The following NPFFR1 variants were observed in gnomAD, a reference collection of about 807,000 sequenced individuals.
The protein encoded by NPFFR1 is G-protein coupled receptor 147.
Under a neutral mutation model 12.7 loss-of-function variants are expected in NPFFR1, and 17 were observed. The ratio of observed to expected loss-of-function variants is 1.34; its 90% confidence interval spans 0.92 to 2.01. The LOEUF (loss-of-function observed/expected upper bound fraction) is 2.01. Ranked by LOEUF, NPFFR1 falls within the 30% of genes most tolerant of loss-of-function variation. The pLI is 0.00. For synonymous variants in NPFFR1, 296 were observed against 264.5 expected, an observed-to-expected ratio of 1.12 and a Z score of -1.16; for missense variants, 604 against 606.5, an observed-to-expected ratio of 1.00 and a Z score of 0.04.
At chr10:70,276,184 T>C (rs565081911) in intron 1 of NPFFR1, among the ~76,000 whole-genome samples, 2 of 152,172 alleles carry the variant, frequency 1.3e-5, no homozygotes, top group Non-Finnish European at 2.9e-5. Flanking sequence ...ATGTATCACC[T>C]AAAACCTTGC....
intron 1 of NPFFR1, among the ~76,000 whole-genome samples, chr10:70,282,125 G>A (rs377286794): frequency 5.3e-5 from 8 of 152,208 alleles, no homozygotes; most frequent in South Asian, 2.1e-4. Context: ...CCTCTGGGTC[G>A]CTGGGATGTC....
At chr10:70,260,853 C>A in intron 2 of NPFFR1, 114 bp from the exon 3 acceptor site, 1 of 862,370 alleles carries the variant, frequency 1.2e-6, no homozygotes. Flanking sequence ...CCATGACCTG[C>A]TAGGTGTTAT....
At chr10:70,280,846 A>G (rs1840853975) in intron 1 of NPFFR1, among the ~76,000 whole-genome samples, 1 of 152,180 alleles carries the variant, frequency 6.6e-6, no homozygotes, top group Non-Finnish European at 1.5e-5. Flanking sequence ...TACTAAAAAC[A>G]CAAAAATTAG....
Position 70,260,620 on chromosome 10 carries a change from C to A in NPFFR1, c.422+20G>T. ...AGGCCCTAGTTGGCTCAGGCATAAT[C>A]CAGCCAGGAAACCTCTCACCTTTCC... On this transcript the variant is annotated intron_variant, in intron 3 of 3. Transcript: ENST00000277942. 1 of 1,592,058 alleles carries A rather than the reference C, an allele frequency of 6.3e-7. No homozygotes were observed.
At position 70,283,655 on chromosome 10, in the gene NPFFR1, C is replaced by T. The variant is rs1589918387; in HGVS notation, c.7+15G>A. The T allele has an allele frequency of 6.5e-7, 1 of 1,535,150 alleles. No individual in the cohort carries two copies. Among genetic ancestry groups the T allele is most frequent in the East Asian group, 2.4e-5 (1 of 40,918 alleles). ...CCCTGCCCCACGGCTGGCCCCCAGCCCCAGGACCACTCACCCTCCATGATG... is the reference window on the plus strand; with the variant it reads ...CCCTGCCCCACGGCTGGCCCCCAGCTCCAGGACCACTCACCCTCCATGATG... On this transcript the variant is annotated intron_variant, in intron 1 of 3. Coordinates refer to ENST00000277942, the MANE Select transcript of NPFFR1 (RefSeq NM_022146.5).
At chr10:70,281,597 C>T (rs1840863095) in intron 1 of NPFFR1, among the ~76,000 whole-genome samples, 3 of 152,196 alleles carry the variant, frequency 2.0e-5, no homozygotes, top group Admixed American at 2.0e-4. Flanking sequence ...TGTATATTTC[C>T]AATAATAAAC....
chr10:70,255,711 A>G lies in NPFFR1; in HGVS notation c.539T>C (p.Leu180Pro). ...LLIMCPSAVTLTVTREEHHFM... is the reference protein window; with the variant it reads ...LLIMCPSAVTPTVTREEHHFM... ...GTGGTGCTCCTCACGGGTGACGGTC[A>G]GCGTGACGGCCGAGGGACACATGAT... Residue 180 changes from leucine (L) to proline (P), a missense_variant, in exon 4 of 4, where the codon CTG becomes CCG. Leu to Pro is a moderately conservative substitution (Grantham distance 98). Coordinates refer to ENST00000277942, the MANE Select transcript of NPFFR1 (RefSeq NM_022146.5). The surrounding 1 kb of genome is among the most constrained non-coding windows in gnomAD (Gnocchi z 4.2). 6.2e-7 allele frequency: 1 copy of G among 1,608,618 alleles called. No individual in the cohort carries two copies. The highest frequency in any genetic ancestry group is 8.5e-7 in the Non-Finnish European group (1 of 1,177,788).
chr10:70,267,873 T>C (rs1343941172), intron 1 of NPFFR1, among the ~76,000 whole-genome samples: 2 of 152,052 alleles, frequency 1.3e-5, no homozygotes, highest in Non-Finnish European at 2.9e-5. Context: ...GCGGTGAGTG[T>C]TGGGATGGGG....
rs1327349712 is a variant in NPFFR1, at chr10:70,253,954, C to T, written c.*1003G>A. ...AGTTTAGTGTGTGTCCTTCAGGAGT[C>T]TCCAAATGGCACTCCGGCTGCAGCT... is the stretch of plus-strand genomic sequence containing the variant. On this transcript the variant is annotated 3_prime_UTR_variant, in exon 4 of 4. Transcript: ENST00000277942. 6.6e-6 allele frequency: 1 copy of T among 152,200 alleles called. No homozygotes were observed. Among genetic ancestry groups the T allele is most frequent in the Non-Finnish European group, 1.5e-5 (1 of 68,044 alleles). The allele number at this position is 152,200 out of a possible 1,614,324, so 9.4% of individuals were successfully genotyped here.
At chr10:70,280,367 T>C (rs1840847680) in intron 1 of NPFFR1, among the ~76,000 whole-genome samples, 2 of 152,244 alleles carry the variant, frequency 1.3e-5, no homozygotes, top group African/African-American at 4.8e-5. Flanking sequence ...GGGTTCTCTT[T>C]TCTCCACATC....
At chr10:70,267,931 C>G (rs1211034063) in intron 1 of NPFFR1, among the ~76,000 whole-genome samples, 1 of 152,214 alleles carries the variant, frequency 6.6e-6, no homozygotes, top group South Asian at 2.1e-4. Flanking sequence ...TTCCTGTGCC[C>G]GATGAGAGAT....
intron 1 of NPFFR1, among the ~76,000 whole-genome samples, chr10:70,274,279 C>T (rs1466076571): frequency 1.3e-5 from 2 of 152,052 alleles, no homozygotes; most frequent in Admixed American, 6.6e-5. Flanking sequence ...GAAACCCTGT[C>T]TCTACTAAAA....
chr10:70,256,715 A>G (rs1840576655), intron 3 of NPFFR1, among the ~76,000 whole-genome samples: 1 of 152,250 alleles, frequency 6.6e-6, no homozygotes, highest in Admixed American at 6.5e-5. Context: ...TTTACAGACA[A>G]GGAAACTGGG....
In NPFFR1 at chr10:70,247,556, A is replaced by T. The variant is rs1300037355; in HGVS notation, c.*7401T>A. On this transcript the variant is annotated 3_prime_UTR_variant, in exon 4 of 4. Coordinates refer to ENST00000277942, the MANE Select transcript of NPFFR1 (RefSeq NM_022146.5). ...ATCGCTCAGTCACTGAAACGGATTG[A>T]CTTGGCTGTTCTAACTTCCACACCG... 6.6e-6 allele frequency: 1 copy of T among 152,236 alleles called. No individual in the cohort carries two copies. The highest frequency in any genetic ancestry group is 1.9e-4 in the East Asian group (1 of 5,206). The allele number at this position is 152,236 out of a possible 1,614,324, so 9.4% of individuals were successfully genotyped here.
chr10:70,251,275 T>A lies in NPFFR1; in HGVS notation c.*3682A>T, dbSNP rs1840507933. On this transcript the variant is annotated 3_prime_UTR_variant, in exon 4 of 4. Coordinates refer to ENST00000277942, the MANE Select transcript of NPFFR1 (RefSeq NM_022146.5). ...TGGGCTTGGCTCTCGCCTTGCTTTTTGGATGAATACACAGTAGACTAATGA... is the reference window on the plus strand; with the variant it reads ...TGGGCTTGGCTCTCGCCTTGCTTTTAGGATGAATACACAGTAGACTAATGA... 1 of 152,304 alleles carries A rather than the reference T, an allele frequency of 6.6e-6. No individual in the cohort carries two copies. The highest frequency in any genetic ancestry group is 6.5e-5 in the Admixed American group (1 of 15,282). 9.4% of individuals were successfully genotyped at this position (152,304 alleles called of 1,614,324 possible).
At position 70,266,276 on chromosome 10, in the gene NPFFR1, A is replaced by G; in HGVS notation, c.123T>C (p.Pro41=). The part of the protein sequence containing the change: ...TFSSYYQHTS[P]VAAMFIVAYA... ...AGGCCACAATGAACATGGCCGCCAC[A>G]GGGGAGGTGTGCTGATAGTAGGAGG... The change falls in exon 2 of 4, where the codon CCT becomes CCC. Residue 41 remains proline, a synonymous_variant. Coordinates refer to ENST00000277942, the MANE Select transcript of NPFFR1 (RefSeq NM_022146.5). The G allele has an allele frequency of 1.2e-6, 2 of 1,613,914 alleles. No homozygotes were observed. Among genetic ancestry groups the G allele is most frequent in the African/African-American group, 1.3e-5 (1 of 75,054 alleles).
chr10:70,259,321 G>T (rs576857227), intron 3 of NPFFR1, among the ~76,000 whole-genome samples: 2 of 150,956 alleles, frequency 1.3e-5, no homozygotes, highest in Admixed American at 6.6e-5. Context: ...GAAAGAAAAA[G>T]AAATCTCCAG....
At chr10:70,258,879 C>G (rs1011188121) in intron 3 of NPFFR1, among the ~76,000 whole-genome samples, 2 of 152,180 alleles carry the variant, frequency 1.3e-5, no homozygotes, top group East Asian at 3.8e-4. Flanking sequence ...TACACTGTGT[C>G]CTGCCCTCCT....
chr10:70,274,680 G>A (rs1267542883), intron 1 of NPFFR1, among the ~76,000 whole-genome samples: 3 of 152,182 alleles, frequency 2.0e-5, no homozygotes, highest in African/African-American at 7.2e-5. Flanking sequence ...CTTGGCTTTC[G>A]AATGTGGATG....
Sources: gnomAD v4.1 joint callset for allele counts (sites outside exome capture counted in the v4.1 genomes callset) on GRCh38, gnomAD v4.1.1 for gene constraint, Gnocchi (gnomAD v3.1) non-coding constraint, MANE v1.5 for transcripts, NCBI Gene and HGNC (gene_info 2026-07-23, HGNC 2026-07-21) for gene names.